Variants in SLC1A2 observed in about 807,000 individuals in gnomAD.
SLC1A2 encodes solute carrier family 1 member 2.
A neutral mutation model predicts 48.8 loss-of-function variants in SLC1A2; 15 were observed. The observed-to-expected ratio is 0.31, with a 90% CI of 0.21 to 0.47. The LOEUF (loss-of-function observed/expected upper bound fraction) is 0.47. SLC1A2 is among the 20% of genes least tolerant of loss of function. The pLI is 0.99. For missense variants in SLC1A2, 502 were observed against 730.5 expected, an observed-to-expected ratio of 0.69 and a Z score of 3.61; for synonymous variants, 279 against 272.6, an observed-to-expected ratio of 1.02 and a Z score of -0.23.
chr11:35,399,150 C>T (rs1855063811), intron 1 of SLC1A2, among the ~76,000 whole-genome samples: 1 of 152,064 alleles, frequency 6.6e-6, no homozygotes, highest in African/African-American at 2.4e-5. Context: ...GCAAGCCTAC[C>T]CACGGTTGCC....
chr11:35,353,111 C>T lies in SLC1A2; in HGVS notation c.18-35595G>A, dbSNP rs143172127. 1.9e-3 allele frequency among the ~76,000 whole-genome samples: 291 copies of T among 152,170 alleles called. 1 individual carries two copies. Among genetic ancestry groups the T allele is most frequent in the African/African-American group, 6.8e-3 (282 of 41,500 alleles). On this transcript the variant is annotated intron_variant, in intron 1 of 10. Transcript: ENST00000278379. ...TATAGTCAATATCAACATTTATCTACTATAGTATGTCTCTTTTTACTTGAA... is the reference window on the plus strand; with the variant it reads ...TATAGTCAATATCAACATTTATCTATTATAGTATGTCTCTTTTTACTTGAA...
At chr11:35,342,663 G>C (rs139985461) in intron 1 of SLC1A2, among the ~76,000 whole-genome samples, 3 of 152,172 alleles carry the variant, frequency 2.0e-5, no homozygotes, top group African/African-American at 7.2e-5. Context: ...GCTCATGCCT[G>C]TAATCCCAGC....
At chr11:35,391,231 CATT>C (rs1238831554) in intron 1 of SLC1A2, 1 of 152,188 alleles carries the variant, frequency 6.6e-6, no homozygotes, top group Non-Finnish European at 1.5e-5. Flanking sequence ...AGAGTTGACT[CATT>C]ATGATACAGA....
At chr11:35,391,262 C>A (rs1378618958) in intron 1 of SLC1A2, 1 of 152,160 alleles carries the variant, frequency 6.6e-6, no homozygotes, top group African/African-American at 2.4e-5. Flanking sequence ...GCTCACAAAG[C>A]CTACAATATG....
intron 1 of SLC1A2, among the ~76,000 whole-genome samples, chr11:35,338,313 G>GT (rs1852708340): frequency 6.6e-6 from 1 of 152,128 alleles, no homozygotes; most frequent in South Asian, 2.1e-4. Context: ...CAAATCTGTT[G>GT]TTTTTTGCCT....
chr11:35,341,290 C>G (rs7939421), intron 1 of SLC1A2, among the ~76,000 whole-genome samples: 59,819 of 151,708 alleles, frequency 0.39, 11,865 homozygotes, highest in South Asian at 0.54. Context: ...CTTGGGTTGG[C>G]GCACCTTACC....
rs139507084 is a variant in SLC1A2, at chr11:35,332,426, A to C, written c.18-14910T>G. On this transcript the variant is annotated intron_variant, in intron 1 of 10. Coordinates refer to ENST00000278379, the MANE Select transcript of SLC1A2 (RefSeq NM_004171.4). ...ATAGTTTCTCGCCGAGTGACTTATC[A>C]GGTTGACTCTTAAATTATGACATCA... is the stretch of plus-strand genomic sequence containing the variant. Among the ~76,000 whole-genome samples the C allele has an allele frequency of 4.8e-3, 729 of 152,376 alleles. 11 individuals carry two copies. Among genetic ancestry groups the C allele is most frequent in the African/African-American group, 0.016 (664 of 41,598 alleles).
intron 1 of SLC1A2, among the ~76,000 whole-genome samples, chr11:35,338,329 G>T (rs1313827707): frequency 6.6e-6 from 1 of 152,034 alleles, no homozygotes; most frequent in Non-Finnish European, 1.5e-5. Context: ...TGCCTCCCTA[G>T]TGTCTGCTTG....
chr11:35,319,478 T>C (rs530284434), intron 1 of SLC1A2, among the ~76,000 whole-genome samples: 1 of 152,310 alleles, frequency 6.6e-6, no homozygotes, highest in East Asian at 1.9e-4. Flanking sequence ...AGATCATTAA[T>C]CTCCTTGCCT....
At chr11:35,373,706 G>C (rs142759819) in intron 1 of SLC1A2, among the ~76,000 whole-genome samples, 5 of 152,238 alleles carry the variant, frequency 3.3e-5, no homozygotes, top group African/African-American at 1.2e-4. Context: ...ATGGGCAAGG[G>C]GCATACTTGT....
chr11:35,306,546 G>A (rs186102197), intron 4 of SLC1A2, among the ~76,000 whole-genome samples: 10 of 152,054 alleles, frequency 6.6e-5, no homozygotes, highest in Non-Finnish European at 1.2e-4. Flanking sequence ...ATCAAATCAG[G>A]GCATTTAAGG....
At chr11:35,366,795 C>A (rs1322529687) in intron 1 of SLC1A2, among the ~76,000 whole-genome samples, 2 of 152,200 alleles carry the variant, frequency 1.3e-5, no homozygotes, top group East Asian at 3.8e-4. Context: ...TGCTATTGCT[C>A]TTTTCCCCTC....
rs758762767 is a variant in SLC1A2, at chr11:35,419,009, T to C, written c.-43A>G. On this transcript the variant is annotated 5_prime_UTR_variant, in exon 1 of 11. Transcript: ENST00000278379. This position sits in a 1 kb window ranked among gnomAD's most constrained non-coding sequence, Gnocchi z 5.4. ...CTCCTCTTCAGCACTATCCGGCAGC[T>C]GTGGGCGAGGGAGAAAGCGGACGCC... 7.1e-6 allele frequency: 11 copies of C among 1,542,014 alleles called. No homozygotes were observed. In the East Asian group the frequency reaches 1.7e-4, roughly 24 times the overall value.
intron 1 of SLC1A2, among the ~76,000 whole-genome samples, chr11:35,353,086 T>A (rs1853324598): frequency 6.6e-6 from 1 of 152,230 alleles, no homozygotes; most frequent in Admixed American, 6.5e-5. Context: ...GGATGCATAT[T>A]ATAGTCAATA....
intron 1 of SLC1A2, among the ~76,000 whole-genome samples, chr11:35,387,489 G>A (rs913622463): frequency 6.6e-5 from 10 of 152,076 alleles, no homozygotes; most frequent in African/African-American, 2.2e-4. Context: ...GGAGAGTAAC[G>A]GGTGTGTTTT....
chr11:35,394,096 C>T (rs1415732840), intron 1 of SLC1A2, among the ~76,000 whole-genome samples: 2 of 152,086 alleles, frequency 1.3e-5, no homozygotes, highest in Non-Finnish European at 2.9e-5. Flanking sequence ...TTTGCCCCAG[C>T]CCTTGAACAA....
chr11:35,360,287 TG>T (rs1853630232), intron 1 of SLC1A2: 1 of 154,370 alleles, frequency 6.5e-6, no homozygotes, highest in African/African-American at 2.4e-5. Context: ...TCATCATCAG[TG>T]TCATCTTTGG....
At chr11:35,342,195 T>G (rs1247987371) in intron 1 of SLC1A2, among the ~76,000 whole-genome samples, 1 of 152,254 alleles carries the variant, frequency 6.6e-6, no homozygotes, top group African/African-American at 2.4e-5. Flanking sequence ...AAATGTATCA[T>G]GCTGTACAAT....
At chr11:35,368,795 C>T (rs563199393) in intron 1 of SLC1A2, among the ~76,000 whole-genome samples, 17 of 152,304 alleles carry the variant, frequency 1.1e-4, no homozygotes, top group African/African-American at 3.1e-4. Flanking sequence ...GTCCCTGACA[C>T]GTCTTTGGCC....
Sources: gnomAD v4.1 joint callset for allele counts (sites outside exome capture counted in the v4.1 genomes callset) on GRCh38, gnomAD v4.1.1 for gene constraint, Gnocchi (gnomAD v3.1) non-coding constraint, MANE v1.5 for transcripts, NCBI Gene and HGNC (gene_info 2026-07-23, HGNC 2026-07-21) for gene names.